CHRM3: variants seen among roughly 807,000 people sequenced by gnomAD.
The protein encoded by CHRM3 is muscarinic acetylcholine receptor M3.
A neutral mutation model predicts 41.8 loss-of-function variants in CHRM3; 11 were observed. The observed-to-expected ratio is 0.26, with a 90% CI of 0.17 to 0.44. The LOEUF (loss-of-function observed/expected upper bound fraction) is 0.44, where lower values mean the gene tolerates loss of function less well. CHRM3 is among the 20% of genes least tolerant of loss of function. The probability of loss-of-function intolerance (pLI) is 1.00; values close to 1 mark genes in which losing one functional copy is unlikely to be tolerated. For synonymous variants in CHRM3, 297 were observed against 301.4 expected (o/e 0.99, Z 0.15); for missense variants, 571 against 745.4 (o/e 0.77, Z 2.72).
chr1:239,662,563 C>A (rs1031836421), intron 4 of CHRM3, among the ~76,000 whole-genome samples: 1 of 152,092 alleles, frequency 6.6e-6, no homozygotes, highest in African/African-American at 2.4e-5. Context: ...AAAGCAATAT[C>A]AAGCCTAATA....
chr1:239,782,384 A>G (rs1333317543), intron 5 of CHRM3, among the ~76,000 whole-genome samples: 13 of 152,062 alleles, frequency 8.5e-5, no homozygotes, highest in Non-Finnish European at 1.6e-4. Context: ...TAGATTATCA[A>G]ATTTGTGGGC....
chr1:239,603,539 A>G (rs1187240654), intron 3 of CHRM3, among the ~76,000 whole-genome samples: 1 of 152,110 alleles, frequency 6.6e-6, no homozygotes, highest in African/African-American at 2.4e-5. Context: ...AAACTAAGTA[A>G]GAATGTATAG....
At chr1:239,843,257 A>C (rs1346645861) in intron 6 of CHRM3, among the ~76,000 whole-genome samples, 1 of 152,086 alleles carries the variant, frequency 6.6e-6, no homozygotes, top group Non-Finnish European at 1.5e-5. Flanking sequence ...CCATTCTTCA[A>C]ATCCTAGCAC....
chr1:239,891,215 A>G (rs1430613695), intron 6 of CHRM3, among the ~76,000 whole-genome samples: 2 of 152,186 alleles, frequency 1.3e-5, no homozygotes, highest in South Asian at 4.1e-4. Context: ...TGCACACCCC[A>G]GGCAGCCAGA....
intron 6 of CHRM3, among the ~76,000 whole-genome samples, chr1:239,877,345 G>A (rs927565791): frequency 2.0e-5 from 3 of 152,004 alleles, no homozygotes; most frequent in Admixed American, 2.0e-4. Flanking sequence ...TAATAGGGAG[G>A]CTGAGGCAGG....
intron 6 of CHRM3, among the ~76,000 whole-genome samples, chr1:239,866,332 G>C (rs942740746): frequency 6.6e-6 from 1 of 151,908 alleles, no homozygotes; most frequent in South Asian, 2.1e-4. Flanking sequence ...AGCTGAGATC[G>C]GAGCTTGCAG....
intron 1 of CHRM3, among the ~76,000 whole-genome samples, chr1:239,417,361 A>C (rs1228435068): frequency 6.6e-6 from 1 of 152,190 alleles, no homozygotes; most frequent in Non-Finnish European, 1.5e-5. Flanking sequence ...TTGGTTGTCT[A>C]AAGAGTTATT....
intron 1 of CHRM3, among the ~76,000 whole-genome samples, chr1:239,468,347 A>G (rs1245759124): frequency 1.3e-5 from 2 of 152,232 alleles, no homozygotes; most frequent in Non-Finnish European, 2.9e-5. Flanking sequence ...TTACTCTTGG[A>G]ATATGTTTCT....
intron 5 of CHRM3, among the ~76,000 whole-genome samples, chr1:239,816,538 C>T (rs1299080219): frequency 1.3e-5 from 2 of 152,090 alleles, no homozygotes; most frequent in Admixed American, 6.6e-5. Flanking sequence ...AGATAACAAG[C>T]TCAGAATGTT....
chr1:239,859,415 TGTTG>T (rs1288358021), intron 6 of CHRM3, among the ~76,000 whole-genome samples: 25 of 112,898 alleles, frequency 2.2e-4, no homozygotes, highest in East Asian at 5.0e-4. Flanking sequence ...TTGTTGTTGT[TGTTG>T]TTTTTTTTTT....
intron 1 of CHRM3, among the ~76,000 whole-genome samples, chr1:239,482,683 A>C (rs1666935330): frequency 6.6e-6 from 1 of 152,150 alleles, no homozygotes; most frequent in African/African-American, 2.4e-5. Flanking sequence ...ACTGAATTGC[A>C]ATGGCTGGTT....
chr1:239,647,925 G>A (rs1671883360), intron 4 of CHRM3, among the ~76,000 whole-genome samples: 1 of 152,008 alleles, frequency 6.6e-6, no homozygotes, highest in South Asian at 2.1e-4. Flanking sequence ...AAAAATAATA[G>A]CACCTACCTC....
At chr1:239,613,663 T>C (rs1667309088) in intron 3 of CHRM3, among the ~76,000 whole-genome samples, 1 of 152,192 alleles carries the variant, frequency 6.6e-6, no homozygotes, top group African/African-American at 2.4e-5. Flanking sequence ...TCATTGTGTA[T>C]CTGTGTATGT....
At chr1:239,463,935 G>T (rs1048070178) in intron 1 of CHRM3, among the ~76,000 whole-genome samples, 5 of 152,076 alleles carry the variant, frequency 3.3e-5, no homozygotes, top group African/African-American at 9.7e-5. Context: ...AAATCATGCA[G>T]TATTGGTCTT....
At chr1:239,613,463 C>T (rs532003915) in intron 3 of CHRM3, among the ~76,000 whole-genome samples, 20 of 152,296 alleles carry the variant, frequency 1.3e-4, no homozygotes, top group Middle Eastern at 3.4e-3. Flanking sequence ...GCTCACACAA[C>T]GTGTGTATTT....
intron 3 of CHRM3, among the ~76,000 whole-genome samples, chr1:239,558,752 T>G (rs1660607118): frequency 6.6e-6 from 1 of 152,224 alleles, no homozygotes; most frequent in Admixed American, 6.5e-5. Flanking sequence ...CATCCTTTAA[T>G]ATACAGGTCA....
intron 1 of CHRM3, among the ~76,000 whole-genome samples, chr1:239,401,335 G>A (rs1369718720): frequency 6.6e-6 from 1 of 151,974 alleles, no homozygotes; most frequent in Non-Finnish European, 1.5e-5. Context: ...TCCCACACTG[G>A]CACTCTCCAC....
chr1:239,665,566 A>C (rs1057259275), intron 4 of CHRM3, among the ~76,000 whole-genome samples: 1 of 152,042 alleles, frequency 6.6e-6, no homozygotes, highest in Non-Finnish European at 1.5e-5. Flanking sequence ...ACACGTGCAG[A>C]ACTTGCAGGT....
chr1:239,398,937 C>T (rs567316576), intron 1 of CHRM3, among the ~76,000 whole-genome samples: 1 of 151,750 alleles, frequency 6.6e-6, no homozygotes, highest in East Asian at 1.9e-4. Context: ...AAAAAAATGC[C>T]CATATATTAA....
Sources: allele counts gnomAD v4.1 joint callset (sites outside exome capture counted in the v4.1 genomes callset), GRCh38; gene constraint gnomAD v4.1.1; transcripts MANE v1.5; gene names NCBI Gene and HGNC (gene_info 2026-07-23, HGNC 2026-07-21).